The following RYR3 variants were observed in gnomAD, a reference collection of about 807,000 sequenced individuals.
The protein encoded by RYR3 is ryanodine receptor 3.
Under a neutral mutation model 584.3 loss-of-function variants are expected in RYR3, and 207 were observed. The observed-to-expected ratio is 0.35, with a 90% CI of 0.32 to 0.40. The LOEUF is 0.40. Ranked by LOEUF, RYR3 falls within the 10% of genes least tolerant of loss-of-function variation. The pLI, the probability that RYR3 is intolerant of heterozygous loss-of-function variation, is 1.00. For missense variants in RYR3, 5,616 were observed against 6,089.2 expected, an observed-to-expected ratio of 0.92 and a Z score of 2.59; for synonymous variants, 2,416 against 2,248.5, an observed-to-expected ratio of 1.07 and a Z score of -2.11.
chr15:33,370,593 C>T (rs951762602), intron 1 of RYR3, among the ~76,000 whole-genome samples: 67 of 152,110 alleles, frequency 4.4e-4, no homozygotes, highest in African/African-American at 1.4e-3. Flanking sequence ...ACGTATTGGA[C>T]ATATTATAGG....
chr15:33,523,766 G>A (rs1455962603), intron 3 of RYR3, among the ~76,000 whole-genome samples: 1 of 152,154 alleles, frequency 6.6e-6, no homozygotes, highest in Non-Finnish European at 1.5e-5. Flanking sequence ...AGGAGCCACT[G>A]GGTTTGGGAC....
In RYR3 at chr15:33,652,783, A is replaced by G; in HGVS notation, c.4208A>G (p.Asn1403Ser). 6.2e-7 allele frequency: 1 copy of G among 1,613,952 alleles called. No homozygotes were observed. The highest frequency in any genetic ancestry group is 8.5e-7 in the Non-Finnish European group (1 of 1,179,856). Residue 1403 changes from asparagine to serine, a missense_variant, in exon 32 of 104, where the codon AAT becomes AGT. Physicochemically the swap from Asn to Ser is conservative, Grantham distance 46. Transcript: ENST00000634891. ...ATTGTAGCCAGTTCCCAGAGATCAA[A>G]TCGGAGCAACGTGGACCTGGAGATC... Reference protein sequence around the residue: ...GDIVASSQRSNRSNVDLEIGC... With the variant: ...GDIVASSQRSSRSNVDLEIGC...
chr15:33,702,281 C>T (rs181487876), intron 42 of RYR3, among the ~76,000 whole-genome samples: 12 of 152,146 alleles, frequency 7.9e-5, no homozygotes, highest in Admixed American at 3.3e-4. Context: ...AGGGGCAACA[C>T]GATACAATTC....
At position 33,857,889 on chromosome 15, in the gene RYR3, A is replaced by C; in HGVS notation, c.14117A>C (p.Asp4706Ala). 6.2e-7 allele frequency: 1 copy of C among 1,614,154 alleles called. No homozygotes were observed. The highest frequency in any genetic ancestry group is 8.5e-7 in the Non-Finnish European group (1 of 1,180,042). ...AAAAGCGAAGACGATGACGAGCCCG[A>C]TATGAAGTGCGACGACATGATGACG... The part of the protein sequence containing the change: ...YNKSEDDDEP[D>A]MKCDDMMTCY... The change falls in exon 99 of 104, where the codon GAT (aspartate) becomes GCT (alanine). Residue 4706 changes from aspartate (D) to alanine (A), a missense_variant. Physicochemically the swap from Asp to Ala is moderately radical, Grantham distance 126 (BLOSUM62 -2). Coordinates refer to ENST00000634891, the MANE Select transcript of RYR3 (RefSeq NM_001036.6).
intron 5 of RYR3, chr15:33,539,100 A>G (rs1315844554): frequency 6.8e-6 from 2 of 295,394 alleles, no homozygotes; most frequent in African/African-American, 2.1e-5. Flanking sequence ...AGGCCGCTAT[A>G]GTTTCCGGCC....
chr15:33,653,443 G>C lies in RYR3; in HGVS notation c.4308+560G>C, dbSNP rs556459046. 2.6e-5 allele frequency among the ~76,000 whole-genome samples: 4 copies of C among 152,152 alleles called. No individual in the cohort carries two copies. In the East Asian group the frequency reaches 5.8e-4, roughly 22 times the overall value. ...TCCCAGCACTTTGGGAGGCCGAGGC[G>C]GGGGGATCATGAGGTCAGGAGATTG... On this transcript the variant is annotated intron_variant, in intron 32 of 103. Coordinates refer to ENST00000634891, the MANE Select transcript of RYR3 (RefSeq NM_001036.6).
intron 18 of RYR3, among the ~76,000 whole-genome samples, chr15:33,605,096 A>C (rs2059844335): frequency 6.6e-6 from 1 of 152,214 alleles, no homozygotes; most frequent in African/African-American, 2.4e-5. Flanking sequence ...GGGTGAAGCA[A>C]ATTGGACCCT....
At chr15:33,552,902 C>T (rs749936802) in intron 10 of RYR3, among the ~76,000 whole-genome samples, 4 of 152,176 alleles carry the variant, frequency 2.6e-5, no homozygotes, top group Non-Finnish European at 5.9e-5. Flanking sequence ...ATTCTCTGTG[C>T]TTCCCCTCCC....
chr15:33,517,129 G>A, intron 3 of RYR3, among the ~76,000 whole-genome samples: 1 of 151,914 alleles, frequency 6.6e-6, no homozygotes, highest in East Asian at 1.9e-4. Context: ...CAACCAGCTG[G>A]GATTACAGGC....
intron 62 of RYR3, among the ~76,000 whole-genome samples, chr15:33,770,049 T>C (rs1405296545): frequency 2.0e-5 from 3 of 151,390 alleles, no homozygotes; most frequent in Non-Finnish European, 4.4e-5. Context: ...CCGGGCACCA[T>C]GATTTCTGCC....
intron 89 of RYR3, chr15:33,840,577 T>C: frequency 1.8e-6 from 1 of 549,064 alleles, no homozygotes; most frequent in Non-Finnish European, 3.2e-6. Flanking sequence ...CTAACACAAG[T>C]TTCCTCTTTG....
At chr15:33,452,021 C>T (rs896696354) in intron 1 of RYR3, among the ~76,000 whole-genome samples, 1 of 152,188 alleles carries the variant, frequency 6.6e-6, no homozygotes, top group Admixed American at 6.5e-5. Flanking sequence ...TGGTTGAAGG[C>T]CCGGAAAGGG....
chr15:33,662,670 G>A lies in RYR3; in HGVS notation c.5140G>A (p.Val1714Ile). 1.2e-6 allele frequency: 2 copies of A among 1,614,186 alleles called. No homozygotes were observed. The highest frequency in any genetic ancestry group is 1.7e-6 in the Non-Finnish European group (2 of 1,179,994). ...QCSGAHIRDP[V>I]GGSVEFQFVP... ...CAGCGGGGCCCACATCCGAGACCCTGTAGGGGGGTCTGTGGAGTTCCAGTT... is the reference window on the plus strand; with the variant it reads ...CAGCGGGGCCCACATCCGAGACCCTATAGGGGGGTCTGTGGAGTTCCAGTT... The change falls in exon 35 of 104, where the codon GTA becomes ATA. Residue 1714 changes from valine (V) to isoleucine (I), a missense_variant. Transcript: ENST00000634891.
chr15:33,576,298 C>CTG (rs1465846832), intron 12 of RYR3, among the ~76,000 whole-genome samples: 1 of 152,170 alleles, frequency 6.6e-6, no homozygotes, highest in Non-Finnish European at 1.5e-5. Flanking sequence ...ATACCAAAAC[C>CTG]TGGCAGAGAT....
chr15:33,693,338 G>T (rs2065587210), intron 38 of RYR3, among the ~76,000 whole-genome samples: 1 of 152,248 alleles, frequency 6.6e-6, no homozygotes, highest in South Asian at 2.1e-4. Context: ...CCTGTGCCCG[G>T]CCCTTTGCGC....
intron 1 of RYR3, among the ~76,000 whole-genome samples, chr15:33,400,269 C>T (rs2042563214): frequency 1.3e-5 from 2 of 152,134 alleles, no homozygotes; most frequent in African/African-American, 4.8e-5. Context: ...GGCATAATTA[C>T]TGATAGCACA....
intron 2 of RYR3, among the ~76,000 whole-genome samples, chr15:33,475,587 C>T (rs531832600): frequency 6.6e-6 from 1 of 152,356 alleles, no homozygotes; most frequent in Admixed American, 6.5e-5. Flanking sequence ...TGGTTCCCAA[C>T]AGGCCATGAA....
chr15:33,594,755 T>A (rs546987741), intron 16 of RYR3, among the ~76,000 whole-genome samples: 1 of 152,156 alleles, frequency 6.6e-6, no homozygotes, highest in South Asian at 2.1e-4. Context: ...AAGACAGCTT[T>A]TTGTGGATGA....
chr15:33,528,381 C>A (rs772552293), intron 3 of RYR3, among the ~76,000 whole-genome samples: 4 of 152,158 alleles, frequency 2.6e-5, no homozygotes, highest in Non-Finnish European at 4.4e-5. Context: ...AGACCTTTGC[C>A]CACATGTGCT....
Sources: allele counts gnomAD v4.1 joint callset (sites outside exome capture counted in the v4.1 genomes callset), GRCh38; gene constraint gnomAD v4.1.1; transcripts MANE v1.5; gene names NCBI Gene and HGNC (gene_info 2026-07-23, HGNC 2026-07-21).